RABL6: variants seen among roughly 807,000 people sequenced by gnomAD.
The protein encoded by RABL6 is rab-like protein 6.
In RABL6, 28 loss-of-function variants were observed where a neutral mutation model predicts 72.9. That is an observed-to-expected ratio of 0.38 (90% CI 0.28 to 0.53). RABL6 has a LOEUF of 0.53. RABL6 is among the 20% of genes least tolerant of loss of function. The pLI, the probability that RABL6 is intolerant of heterozygous loss-of-function variation, is 0.80. For synonymous variants in RABL6, 477 were observed against 421.2 expected (o/e 1.13, Z -1.62); for missense variants, 1,029 against 1,008.4 (o/e 1.02, Z -0.28).
chr9:136,835,983 G>T, intron 8 of RABL6, 138 bp downstream of exon 8: 1 of 798,794 alleles, frequency 1.3e-6, no homozygotes, highest in Non-Finnish European at 2.0e-6. Context: ...TTGGGCACGG[G>T]TGGAGGAGGA....
chr9:136,818,061 CAA>C (rs35850059), intron 1 of RABL6, among the ~76,000 whole-genome samples: 8 of 78,478 alleles, frequency 1.0e-4, no homozygotes, highest in East Asian at 6.8e-4. Context: ...GACTCCATCT[CAA>C]AAAAAAAAAA....
At chr9:136,820,305 C>T (rs555880894) in intron 1 of RABL6, among the ~76,000 whole-genome samples, 15 of 152,124 alleles carry the variant, frequency 9.9e-5, no homozygotes, top group Non-Finnish European at 2.1e-4. Flanking sequence ...ATTGAGGCTG[C>T]AGTGAGCTAG....
rs1237509510 is a variant in RABL6 at position 136,821,521 on chromosome 9, C to G, written c.131-2004C>G. 3 of 985,278 alleles carry G rather than the reference C, an allele frequency of 3.0e-6. No individual in the cohort carries two copies. The East Asian group carries it at 3.4e-4, about 112-fold the overall frequency. 61.0% of individuals were successfully genotyped at this position (985,278 alleles called of 1,614,324 possible). A position where few individuals can be genotyped will look rare whatever the true frequency, so the allele number is the denominator to read the frequency against. On this transcript the variant is annotated intron_variant, in intron 1 of 14. Coordinates refer to ENST00000311502, the MANE Select transcript of RABL6 (RefSeq NM_024718.5). Reference sequence around the variant, plus strand: ...GCCCAGCGAGGCTATGCGTGCGCGGCCCGGGCAGTCTCTGCGAGCCCGGGC... The same window carrying G: ...GCCCAGCGAGGCTATGCGTGCGCGGGCCGGGCAGTCTCTGCGAGCCCGGGC...
intron 1 of RABL6, chr9:136,808,571 C>A (rs917261919): frequency 4.2e-6 from 1 of 237,646 alleles, no homozygotes; most frequent in Non-Finnish European, 7.9e-6. Context: ...TGCCGCGTGT[C>A]GCTCCCGCCG....
rs1848684215 is a variant in RABL6, at chr9:136,840,877, TG to T, written c.*359del. The T allele has an allele frequency of 1.3e-6, 2 of 1,530,210 alleles. No individual in the cohort carries two copies. Among genetic ancestry groups the T allele is most frequent in the Admixed American group, 4.0e-5 (2 of 49,500 alleles). The allele number at this position is 1,530,210 out of a possible 1,614,324, so 94.8% of individuals were successfully genotyped here. ...AGGCTGGGCAGGGGCCGCTTGGCTGTGGGGTGTGCGCTGCCCCGGCACCTGC... is the reference window on the plus strand; with the variant it reads ...AGGCTGGGCAGGGGCCGCTTGGCTGTGGGTGTGCGCTGCCCCGGCACCTGC... On this transcript the variant is annotated 3_prime_UTR_variant, in exon 15 of 15. Coordinates refer to ENST00000311502, the MANE Select transcript of RABL6 (RefSeq NM_024718.5).
At position 136,807,966 on chromosome 9, in the gene RABL6, C is replaced by G. The variant is rs1428555051; in HGVS notation, c.-231C>G. ...GGCGCCAAGATGGCGGCGCTGACTC[C>G]TGGAGAGCGGTCGCGCCGGAGGCCG... On this transcript the variant is annotated 5_prime_UTR_variant, in exon 1 of 15. Transcript: ENST00000311502. 118 of 1,002,984 alleles carry G rather than the reference C, an allele frequency of 1.2e-4. No individual in the cohort carries two copies. Among genetic ancestry groups the G allele is most frequent in the Non-Finnish European group, 1.3e-4 (112 of 843,390 alleles). 62.1% of individuals were successfully genotyped at this position (1,002,984 alleles called of 1,614,324 possible).
chr9:136,820,272 G>A (rs539144139), intron 1 of RABL6, among the ~76,000 whole-genome samples: 12 of 152,252 alleles, frequency 7.9e-5, no homozygotes, highest in African/African-American at 2.4e-4. Context: ...GGCTAAGGTG[G>A]GAGGATCACT....
In RABL6 at chr9:136,840,370, G is replaced by C; in HGVS notation, c.2038G>C (p.Asp680His). The C allele has an allele frequency of 1.3e-6, 2 of 1,556,444 alleles. No homozygotes were observed. The highest frequency in any genetic ancestry group is 1.7e-6 in the Non-Finnish European group (2 of 1,150,310). The change falls in exon 15 of 15, where the codon GAC (aspartate) becomes CAC (histidine). Residue 680 changes from aspartate to histidine, a missense_variant. This residue lies in a region of RABL6 where 595 missense variants were observed against 472.4 expected (regional missense o/e 1.26). Transcript: ENST00000311502. ...KKKSKHKKSK[D>H]KEEGKEERRR... ...GAAGAGCAAACACAAGAAGAGCAAG[G>C]ACAAGGAGGAGGGCAAGGAGGAGCG...
intron 2 of RABL6, among the ~76,000 whole-genome samples, 165 bp from the exon 3 acceptor site, chr9:136,825,614 G>GC (rs1848338687): frequency 6.6e-6 from 1 of 152,188 alleles, no homozygotes; most frequent in African/African-American, 2.4e-5. Flanking sequence ...TGAAGGAGCC[G>GC]CCATGTGGTC....
At chr9:136,824,961 G>A (rs751279785) in intron 2 of RABL6, among the ~76,000 whole-genome samples, 1 of 152,244 alleles carries the variant, frequency 6.6e-6, no homozygotes, top group Admixed American at 6.5e-5. Context: ...GCAGATGCCT[G>A]GCTGTGTGAG....
intron 1 of RABL6, among the ~76,000 whole-genome samples, chr9:136,816,710 C>G (rs530643518): frequency 7.9e-4 from 103 of 130,960 alleles, no homozygotes; most frequent in African/African-American, 3.0e-3. Flanking sequence ...GAGTGAGACT[C>G]TGTCTCAAAA....
At chr9:136,839,182 C>T (rs1244662318) in intron 11 of RABL6, 40 bp from the exon 12 acceptor site, 2 of 1,598,792 alleles carry the variant, frequency 1.3e-6, no homozygotes, top group Non-Finnish European at 8.5e-7. Context: ...TTCAGGACGC[C>T]TCCAGAGGAC....
chr9:136,816,178 C>T (rs1848115224), intron 1 of RABL6, among the ~76,000 whole-genome samples: 1 of 152,182 alleles, frequency 6.6e-6, no homozygotes, highest in Non-Finnish European at 1.5e-5. Flanking sequence ...AATCTTGACT[C>T]ACTGCAGCCT....
rs911071293 is a variant in RABL6, at chr9:136,807,957, C to T, written c.-240C>T. The T allele has an allele frequency of 8.9e-5, 89 of 1,000,508 alleles. No individual in the cohort carries two copies. The highest frequency in any genetic ancestry group is 9.6e-5 in the Non-Finnish European group (81 of 841,652). The allele number at this position is 1,000,508 out of a possible 1,614,324, so 62.0% of individuals were successfully genotyped here. ...CGCCGAGCCGGCGCCAAGATGGCGGCGCTGACTCCTGGAGAGCGGTCGCGC... is the reference window on the plus strand; with the variant it reads ...CGCCGAGCCGGCGCCAAGATGGCGGTGCTGACTCCTGGAGAGCGGTCGCGC... On this transcript the variant is annotated 5_prime_UTR_variant, in exon 1 of 15. Transcript: ENST00000311502.
chr9:136,828,120 A>ACT (rs1310442548), intron 3 of RABL6: 1 of 193,318 alleles, frequency 5.2e-6, no homozygotes, highest in Non-Finnish European at 1.1e-5. Context: ...TTCCCACCAT[A>ACT]TCCCTTGTAC....
intron 7 of RABL6, chr9:136,833,645 G>T: frequency 6.5e-7 from 1 of 1,535,376 alleles, no homozygotes; most frequent in East Asian, 2.5e-5. Context: ...GAACCTCCTC[G>T]CCCTGGGCTG....
chr9:136,816,180 C>T (rs116431880), intron 1 of RABL6, among the ~76,000 whole-genome samples: 2,006 of 152,326 alleles, frequency 0.013, 47 homozygotes, highest in African/African-American at 0.046. Context: ...TCTTGACTCA[C>T]TGCAGCCTTC....
Position 136,828,418 on chromosome 9 carries a change from A to G in RABL6, c.314-76A>G, listed in dbSNP as rs1848402512. On this transcript the variant is annotated intron_variant, in intron 3 of 14. Transcript: ENST00000311502. ...CGCTGGAGCTGGGGGCTGAGTGGCC[A>G]TGGGGGGACCATGCTCCTCCTATGG... is the stretch of plus-strand genomic sequence containing the variant. 1.0e-5 allele frequency: 15 copies of G among 1,496,156 alleles called. No homozygotes were observed. In the South Asian group the frequency reaches 1.6e-4, roughly 16 times the overall value. 92.7% of individuals were successfully genotyped at this position (1,496,156 alleles called of 1,614,324 possible).
chr9:136,808,056 C>T lies in RABL6; in HGVS notation c.-141C>T, dbSNP rs929973107. 1.2e-5 allele frequency: 13 copies of T among 1,102,688 alleles called. No individual in the cohort carries two copies. In the Admixed American group the frequency reaches 2.1e-4, roughly 18 times the overall value. 68.3% of individuals were successfully genotyped at this position (1,102,688 alleles called of 1,614,324 possible). On this transcript the variant is annotated 5_prime_UTR_variant, in exon 1 of 15. Coordinates refer to ENST00000311502, the MANE Select transcript of RABL6 (RefSeq NM_024718.5). ...GTCGCCGCTCGGGGCTGCGCTCCGC[C>T]GCCGGGACCCCGGCCTCTGGCCGCG...
Sources: allele counts gnomAD v4.1 joint callset (sites outside exome capture counted in the v4.1 genomes callset), GRCh38; gene constraint gnomAD v4.1.1; regional missense constraint gnomAD v4.1.1; transcripts MANE v1.5; gene names NCBI Gene and HGNC (gene_info 2026-07-23, HGNC 2026-07-21).